The following PRKAA2 variants were observed in gnomAD, a reference collection of about 807,000 sequenced individuals.
PRKAA2 encodes 5'-AMP-activated protein kinase catalytic subunit alpha-2.
Under a neutral mutation model 56.3 loss-of-function variants are expected in PRKAA2, and 40 were observed. The observed-to-expected ratio is 0.71, with a 90% CI of 0.55 to 0.92. PRKAA2 has a LOEUF of 0.92. PRKAA2 is among the 40% of genes least tolerant of loss of function. The pLI, the probability that PRKAA2 is intolerant of heterozygous loss-of-function variation, is 0.00. For synonymous variants in PRKAA2, 214 were observed against 234.2 expected, an observed-to-expected ratio of 0.91 and a Z score of 0.79; for missense variants, 542 against 686.9, an observed-to-expected ratio of 0.79 and a Z score of 2.36.
At chr1:56,663,547 C>G (rs1056931226) in intron 1 of PRKAA2, among the ~76,000 whole-genome samples, 1 of 152,158 alleles carries the variant, frequency 6.6e-6, no homozygotes, top group Non-Finnish European at 1.5e-5. Flanking sequence ...GATATTGAAG[C>G]TACCTATTTA....
chr1:56,708,108 T>G lies in PRKAA2; in HGVS notation c.*395T>G, dbSNP rs901600108. The G allele has an allele frequency of 1.1e-4, 20 of 187,756 alleles. No individual in the cohort carries two copies. Among genetic ancestry groups the G allele is most frequent in the Non-Finnish European group, 1.9e-4 (17 of 89,128 alleles). The allele number at this position is 187,756 out of a possible 1,614,324, so 11.6% of individuals were successfully genotyped here. A position where few individuals can be genotyped will look rare whatever the true frequency, so the allele number is the denominator to read the frequency against. On this transcript the variant is annotated 3_prime_UTR_variant, in exon 9 of 9. Transcript: ENST00000371244. ...ATCTAGTTTACTTCCTAAATTTCAG[T>G]AGGCTTTATGCTGTGTTTATGCCCC...
At chr1:56,688,984 C>T (rs909989700) in intron 2 of PRKAA2, among the ~76,000 whole-genome samples, 8 of 152,156 alleles carry the variant, frequency 5.3e-5, no homozygotes, top group African/African-American at 1.9e-4. Flanking sequence ...CTAGACTGGC[C>T]TTTAGTGTAA....
In PRKAA2 at chr1:56,710,341, A is replaced by G. The variant is rs936921721; in HGVS notation, c.*2628A>G. On this transcript the variant is annotated 3_prime_UTR_variant, in exon 9 of 9. Coordinates refer to ENST00000371244, the MANE Select transcript of PRKAA2 (RefSeq NM_006252.4). The stretch of plus-strand genomic sequence containing the variant: ...ATGGACTAAGTTTGAAAAATGTTGC[A>G]TGCTACTCTTCCCCTCGAAGATGAC... 1 of 152,084 alleles carries G rather than the reference A, an allele frequency of 6.6e-6. No individual in the cohort carries two copies. The highest frequency in any genetic ancestry group is 1.5e-5 in the Non-Finnish European group (1 of 67,972). The allele number at this position is 152,084 out of a possible 1,614,324, so 9.4% of individuals were successfully genotyped here. A position where few individuals can be genotyped will look rare whatever the true frequency, so the allele number is the denominator to read the frequency against.
intron 1 of PRKAA2, among the ~76,000 whole-genome samples, chr1:56,646,259 TAAAAC>T (rs1472618066): frequency 6.6e-6 from 1 of 152,122 alleles, no homozygotes; most frequent in Non-Finnish European, 1.5e-5. Context: ...AGAGGTTAAT[TAAAAC>T]AGAGAGGTCT....
At chr1:56,701,855 C>T (rs1469795430) in intron 6 of PRKAA2, among the ~76,000 whole-genome samples, 3 of 151,722 alleles carry the variant, frequency 2.0e-5, no homozygotes, top group Non-Finnish European at 2.9e-5. Flanking sequence ...GATTGAGCTA[C>T]TGCACTCCAG....
chr1:56,702,312 A>G, intron 6 of PRKAA2, among the ~76,000 whole-genome samples: 1 of 151,836 alleles, frequency 6.6e-6, no homozygotes, highest in African/African-American at 2.4e-5. Flanking sequence ...CGAACTCCCG[A>G]CCTCAGGTGA....
chr1:56,671,239 C>A (rs534087832), intron 1 of PRKAA2, among the ~76,000 whole-genome samples: 31 of 152,216 alleles, frequency 2.0e-4, no homozygotes, highest in Admixed American at 1.8e-3. Context: ...TGGTTAAGTA[C>A]CAATTATGAC....
intron 2 of PRKAA2, among the ~76,000 whole-genome samples, chr1:56,690,318 C>A (rs968412708): frequency 1.3e-5 from 2 of 152,122 alleles, no homozygotes; most frequent in Non-Finnish European, 2.9e-5. Flanking sequence ...TGCCCGCCAC[C>A]ATGCCCAGCT....
intron 2 of PRKAA2, among the ~76,000 whole-genome samples, chr1:56,690,047 G>A (rs766559386): frequency 1.3e-5 from 2 of 151,902 alleles, no homozygotes; most frequent in Non-Finnish European, 2.9e-5. Flanking sequence ...TTTTATCTAC[G>A]CCAGATTATT....
At chr1:56,679,050 C>T (rs927214369) in intron 2 of PRKAA2, among the ~76,000 whole-genome samples, 21 of 152,112 alleles carry the variant, frequency 1.4e-4, no homozygotes, top group Non-Finnish European at 2.8e-4. Flanking sequence ...CATCATTAAC[C>T]GCCAGCACCA....
Position 56,652,211 on chromosome 1 carries a change from C to T in PRKAA2, c.94+6730C>T, listed in dbSNP as rs1001108261. Among the ~76,000 whole-genome samples, 4 of 151,826 alleles carry T rather than the reference C, an allele frequency of 2.6e-5. No individual in the cohort carries two copies. In the South Asian group the frequency reaches 8.3e-4, roughly 32 times the overall value. ...GTATTGTAGTAGAGATGGGGTTTCA[C>T]CATGTTGGCCAGGATGGTCTCGATC... On this transcript the variant is annotated intron_variant, in intron 1 of 8. Coordinates refer to ENST00000371244, the MANE Select transcript of PRKAA2 (RefSeq NM_006252.4).
rs1569813698 is a variant in PRKAA2 at position 56,713,905 on chromosome 1, G to T, written c.*6192G>T. ...TGCCTTCTCCCTTAAATTATAAGAAGAGTAATAGTAAAAACTTGTTTAAAC... is the reference window on the plus strand; with the variant it reads ...TGCCTTCTCCCTTAAATTATAAGAATAGTAATAGTAAAAACTTGTTTAAAC... On this transcript the variant is annotated 3_prime_UTR_variant, in exon 9 of 9. Transcript: ENST00000371244. 1.4e-5 allele frequency: 2 copies of T among 140,446 alleles called. No individual in the cohort carries two copies. The highest frequency in any genetic ancestry group is 1.4e-4 in the Admixed American group (2 of 14,002). The allele number at this position is 140,446 out of a possible 1,614,324, so 8.7% of individuals were successfully genotyped here. A position where few individuals can be genotyped will look rare whatever the true frequency, so the allele number is the denominator to read the frequency against.
intron 1 of PRKAA2, among the ~76,000 whole-genome samples, chr1:56,667,239 A>G (rs191722369): frequency 1.2e-3 from 184 of 152,218 alleles, no homozygotes; most frequent in African/African-American, 4.1e-3. Context: ...CATTTCATTC[A>G]TTCTTGCCCC....
chr1:56,669,643 C>A (rs1191721722), intron 1 of PRKAA2, among the ~76,000 whole-genome samples: 2 of 152,042 alleles, frequency 1.3e-5, no homozygotes, highest in African/African-American at 4.8e-5. Flanking sequence ...TGACAATAGG[C>A]GAAGACACAA....
At chr1:56,660,503 T>C (rs1643985664) in intron 1 of PRKAA2, among the ~76,000 whole-genome samples, 1 of 152,166 alleles carries the variant, frequency 6.6e-6, no homozygotes, top group Non-Finnish European at 1.5e-5. Flanking sequence ...CCATACTTGA[T>C]TATTTTCATG....
intron 6 of PRKAA2, among the ~76,000 whole-genome samples, chr1:56,702,945 G>A (rs1014131027): frequency 2.0e-5 from 3 of 152,176 alleles, no homozygotes; most frequent in African/African-American, 7.2e-5. Context: ...TCCATAGTAT[G>A]TCCTCAGTAA....
intron 1 of PRKAA2, among the ~76,000 whole-genome samples, chr1:56,661,617 A>C (rs1200796555): frequency 1.3e-5 from 2 of 152,118 alleles, no homozygotes; most frequent in Non-Finnish European, 2.9e-5. Flanking sequence ...GTTATGATTA[A>C]TGCTATTTTA....
chr1:56,712,871 A>G lies in PRKAA2; in HGVS notation c.*5158A>G, dbSNP rs1644378128. On this transcript the variant is annotated 3_prime_UTR_variant, in exon 9 of 9. Coordinates refer to ENST00000371244, the MANE Select transcript of PRKAA2 (RefSeq NM_006252.4). ...TCTCAAAAAAAAACAAAAAAAGGAA[A>G]AAGAAAACTAGCCCCAGTCCCTGTC... The G allele has an allele frequency of 6.6e-6, 1 of 151,986 alleles. No individual in the cohort carries two copies. The highest frequency in any genetic ancestry group is 1.5e-5 in the Non-Finnish European group (1 of 67,996). The allele number at this position is 151,986 out of a possible 1,614,324, so 9.4% of individuals were successfully genotyped here.
chr1:56,668,434 C>T (rs1644051582), intron 1 of PRKAA2, among the ~76,000 whole-genome samples: 1 of 151,126 alleles, frequency 6.6e-6, no homozygotes, highest in South Asian at 2.1e-4. Flanking sequence ...AAAGAAATAC[C>T]ACCTTCAGCA....
Sources: allele counts gnomAD v4.1 joint callset (sites outside exome capture counted in the v4.1 genomes callset), GRCh38; gene constraint gnomAD v4.1.1; transcripts MANE v1.5; gene names NCBI Gene and HGNC (gene_info 2026-07-23, HGNC 2026-07-21).